NTRK3: variants seen among roughly 807,000 people sequenced by gnomAD.
NTRK3 encodes the protein neurotrophic receptor tyrosine kinase 3.
In NTRK3, 24 loss-of-function variants were observed where a neutral mutation model predicts 91.7. The ratio of observed to expected loss-of-function variants is 0.26; its 90% CI spans 0.19 to 0.37. NTRK3 has a LOEUF of 0.37. NTRK3 is among the 10% of genes least tolerant of loss of function. The probability of loss-of-function intolerance (pLI) is 1.00; values close to 1 mark genes in which losing one functional copy is unlikely to be tolerated. For synonymous variants in NTRK3, 483 were observed against 404.0 expected, an observed-to-expected ratio of 1.20 and a Z score of -2.34; for missense variants, 880 against 1,068.9, an observed-to-expected ratio of 0.82 and a Z score of 2.46.
rs544444619 is a variant in NTRK3 at position 88,214,634 on chromosome 15, C to T, written c.249-30335G>A. Reference sequence around the variant, plus strand: ...GAAGGGGAGGTCACTAGGGCTAGGACCATTTGAGCCAGGAAAAAATAAAGC... The same window carrying T: ...GAAGGGGAGGTCACTAGGGCTAGGATCATTTGAGCCAGGAAAAAATAAAGC... On this transcript the variant is annotated intron_variant, in intron 3 of 18. Transcript: ENST00000394480. Among the ~76,000 whole-genome samples, 5 of 147,414 alleles carry T rather than the reference C, an allele frequency of 3.4e-5. No individual in the cohort carries two copies. The East Asian group carries it at 1.0e-3, about 29-fold the overall frequency.
intron 13 of NTRK3, among the ~76,000 whole-genome samples, chr15:88,094,462 C>A (rs1237223811): frequency 8.6e-6 from 1 of 116,510 alleles, no homozygotes; most frequent in African/African-American, 3.5e-5. Flanking sequence ...GGCGACAGAG[C>A]GAGACTCCGT....
intron 14 of NTRK3, among the ~76,000 whole-genome samples, chr15:87,964,024 GA>G (rs1476612245): frequency 2.1e-4 from 32 of 152,170 alleles, no homozygotes; most frequent in Admixed American, 1.8e-3. Context: ...AAACAACAAT[GA>G]GGGAGTTCTC....
intron 3 of NTRK3, among the ~76,000 whole-genome samples, chr15:88,201,340 T>C (rs1257595718): frequency 6.6e-6 from 1 of 152,202 alleles, no homozygotes; most frequent in African/African-American, 2.4e-5. Flanking sequence ...CATTTACAAG[T>C]GTGCAGACAC....
chr15:87,967,467 C>A (rs2072889752), intron 14 of NTRK3, among the ~76,000 whole-genome samples: 1 of 152,162 alleles, frequency 6.6e-6, no homozygotes, highest in Non-Finnish European at 1.5e-5. Flanking sequence ...AATAGGCACT[C>A]CCATAGGTCC....
At chr15:88,062,141 C>G (rs927935895) in intron 13 of NTRK3, among the ~76,000 whole-genome samples, 1 of 152,102 alleles carries the variant, frequency 6.6e-6, no homozygotes, top group Non-Finnish European at 1.5e-5. Flanking sequence ...AGGTTATATG[C>G]AAATACTGTA....
chr15:87,910,944 G>T (rs563950299), intron 17 of NTRK3, among the ~76,000 whole-genome samples: 1 of 152,226 alleles, frequency 6.6e-6, no homozygotes, highest in Non-Finnish European at 1.5e-5. Flanking sequence ...TCAATTCAGT[G>T]GTAAGATCAG....
Position 88,233,792 on chromosome 15 carries a change from T to C in NTRK3, c.248+22114A>G, listed in dbSNP as rs1313263357. ...CTCCTCCTCCCCTGACATCCAGTGC[T>C]CCCCCTCCCTGCCTTGTCCAAGAGA... On this transcript the variant is annotated intron_variant, in intron 3 of 18. Transcript: ENST00000394480. The surrounding 1 kb of genome is among the most constrained non-coding windows in gnomAD (Gnocchi z 4.2). Among the ~76,000 whole-genome samples, 1 of 151,064 alleles carries C rather than the reference T, an allele frequency of 6.6e-6. No homozygotes were observed. The highest frequency in any genetic ancestry group is 2.5e-5 in the African/African-American group (1 of 40,806).
chr15:88,059,506 C>T lies in NTRK3; in HGVS notation c.1397-26461G>A, dbSNP rs143579433. 2.9e-4 allele frequency among the ~76,000 whole-genome samples: 44 copies of T among 152,300 alleles called. No homozygotes were observed. In the East Asian group the frequency reaches 4.8e-3, roughly 17 times the overall value. ...CCCATATAAATATTCTCCATGCATG[C>T]TTCACTCTGCACATGCTCCACTCAT... On this transcript the variant is annotated intron_variant, in intron 13 of 18. Coordinates refer to ENST00000394480, the Ensembl canonical transcript of NTRK3.
chr15:87,981,492 A>T, intron 14 of NTRK3: 1 of 1,206,540 alleles, frequency 8.3e-7, no homozygotes, highest in Non-Finnish European at 1.2e-6. Flanking sequence ...TCCTGTACCC[A>T]CTCTGCTGTG....
At chr15:87,980,174 G>C (rs2074099791) in intron 14 of NTRK3, among the ~76,000 whole-genome samples, 1 of 152,194 alleles carries the variant, frequency 6.6e-6, no homozygotes, top group Admixed American at 6.5e-5. Context: ...CTCGAGCAAG[G>C]AGGACTTCCA....
chr15:88,017,151 T>C (rs916802681), intron 14 of NTRK3, among the ~76,000 whole-genome samples: 1 of 152,058 alleles, frequency 6.6e-6, no homozygotes, highest in African/African-American at 2.4e-5. Context: ...AGGTGAGTGA[T>C]TTGGGGTGTG....
intron 14 of NTRK3, among the ~76,000 whole-genome samples, chr15:87,947,500 C>A (rs567493270): frequency 1.3e-5 from 2 of 152,248 alleles, no homozygotes; most frequent in African/African-American, 2.4e-5. Context: ...TGATTGCCAC[C>A]ACCTAAGCTC....
chr15:88,184,036 T>C (rs2046747873), intron 4 of NTRK3, among the ~76,000 whole-genome samples, 189 bp downstream of exon 4: 1 of 151,968 alleles, frequency 6.6e-6, no homozygotes, highest in Admixed American at 6.6e-5. Context: ...GACAAAGGGG[T>C]GTGAAGAGAT....
At chr15:88,137,647 G>C (rs151042785) in intron 6 of NTRK3, 86 bp from the exon 7 acceptor site, 1 of 1,386,264 alleles carries the variant, frequency 7.2e-7, no homozygotes, top group African/African-American at 1.4e-5. Flanking sequence ...AGGGGGACCC[G>C]ACCTGTTCAG....
chr15:87,921,323 C>A (rs1250084282), intron 17 of NTRK3, among the ~76,000 whole-genome samples: 3 of 152,190 alleles, frequency 2.0e-5, no homozygotes, highest in East Asian at 1.9e-4. Context: ...TGACAGCCAG[C>A]ATCACTTCTT....
At chr15:87,913,702 G>A (rs552659860) in intron 17 of NTRK3, among the ~76,000 whole-genome samples, 1 of 152,328 alleles carries the variant, frequency 6.6e-6, no homozygotes, top group Admixed American at 6.5e-5. Context: ...AGTGACATGG[G>A]AAGCATTAGG....
intron 18 of NTRK3, among the ~76,000 whole-genome samples, chr15:87,877,357 T>C (rs1354443373): frequency 1.3e-5 from 2 of 152,208 alleles, no homozygotes; most frequent in Non-Finnish European, 2.9e-5. Flanking sequence ...ACTCCACTTC[T>C]TGGGCCAGGC....
At chr15:88,066,946 T>A (rs950177103) in intron 13 of NTRK3, among the ~76,000 whole-genome samples, 1 of 152,174 alleles carries the variant, frequency 6.6e-6, no homozygotes, top group African/African-American at 2.4e-5. Context: ...TCTCCCAGGC[T>A]CCACTGGCCC....
intron 14 of NTRK3, among the ~76,000 whole-genome samples, chr15:88,003,156 C>CA (rs1288409736): frequency 5.3e-5 from 8 of 152,238 alleles, no homozygotes; most frequent in Admixed American, 2.0e-4. Flanking sequence ...GCTAGCCACT[C>CA]ACTTGTCTTT....
Sources: gnomAD v4.1 joint callset for allele counts (sites outside exome capture counted in the v4.1 genomes callset) on GRCh38, gnomAD v4.1.1 for gene constraint, Gnocchi (gnomAD v3.1) non-coding constraint, MANE v1.5 for transcripts, NCBI Gene and HGNC (gene_info 2026-07-23, HGNC 2026-07-21) for gene names.